CCDC62: variants seen among roughly 807,000 people sequenced by gnomAD.
CCDC62 encodes coiled-coil domain containing 62, also known as coiled-coil domain-containing protein 62.
In CCDC62, 72 loss-of-function variants were observed where a neutral mutation model predicts 80.8. The observed-to-expected ratio is 0.89, with a 90% CI of 0.74 to 1.08. The LOEUF is 1.08. Among genes scored for constraint, CCDC62 ranks in the 50% least tolerant of loss-of-function variants. The pLI is 0.00. For missense variants in CCDC62, 704 were observed against 809.4 expected (o/e 0.87, Z 1.58); for synonymous variants, 286 against 296.5 (o/e 0.96, Z 0.36).
intron 2 of CCDC62, 33 bp downstream of exon 2, chr12:122,777,716 A>G: frequency 6.3e-7 from 1 of 1,585,012 alleles, no homozygotes; most frequent in Admixed American, 1.7e-5. Flanking sequence ...ACAGTTATGC[A>G]CTTCTGTGTG....
At chr12:122,792,588 G>A (rs896770895) in intron 6 of CCDC62, among the ~76,000 whole-genome samples, 2 of 151,470 alleles carry the variant, frequency 1.3e-5, no homozygotes, top group African/African-American at 2.4e-5. Context: ...GCATGATCTC[G>A]GCTCACTGCA....
Position 122,788,925 on chromosome 12 carries a change from A to T in CCDC62, c.666A>T (p.Leu222=). Reference sequence around the variant, plus strand: ...CACTTAAGATTGAAGTCAACAAACTAAAAGGTAAGGAAGAGACCTACATTT... The same window carrying T: ...CACTTAAGATTGAAGTCAACAAACTTAAAGGTAAGGAAGAGACCTACATTT... ...LKALKIEVNK[L]KEDLNEKTTE... is the part of the protein sequence containing the mutation. The change falls in exon 5 of 13, where the codon CTA becomes CTT. Residue 222 remains leucine, a synonymous_variant. Coordinates refer to ENST00000253079, the MANE Select transcript of CCDC62 (RefSeq NM_201435.5). 6.3e-7 allele frequency: 1 copy of T among 1,590,398 alleles called. No individual in the cohort carries two copies. Among genetic ancestry groups the T allele is most frequent in the Non-Finnish European group, 8.5e-7 (1 of 1,172,662 alleles).
At chr12:122,787,946 G>T (rs1432225973) in intron 4 of CCDC62, among the ~76,000 whole-genome samples, 1 of 152,076 alleles carries the variant, frequency 6.6e-6, no homozygotes, top group Non-Finnish European at 1.5e-5. Flanking sequence ...TTATTAGAAC[G>T]GTTATTTTTT....
intron 3 of CCDC62, among the ~76,000 whole-genome samples, chr12:122,785,276 G>C (rs751931288): frequency 6.6e-6 from 1 of 152,004 alleles, no homozygotes; most frequent in African/African-American, 2.4e-5. Context: ...AAGTTCTTTC[G>C]ACAAAGAATA....
At chr12:122,800,147 G>A (rs1333602903) in intron 8 of CCDC62, among the ~76,000 whole-genome samples, 6 of 146,468 alleles carry the variant, frequency 4.1e-5, no homozygotes, top group Non-Finnish European at 6.0e-5. Context: ...ACAGGCATGC[G>A]CCACCATGCC....
intron 5 of CCDC62, among the ~76,000 whole-genome samples, chr12:122,789,578 A>G (rs1378667051): frequency 6.6e-6 from 1 of 151,922 alleles, no homozygotes; most frequent in Non-Finnish European, 1.5e-5. Flanking sequence ...GATTACAGGC[A>G]CCTACCACCA....
At chr12:122,812,964 G>A (rs1430172159) in intron 10 of CCDC62, among the ~76,000 whole-genome samples, 1 of 152,028 alleles carries the variant, frequency 6.6e-6, no homozygotes, top group African/African-American at 2.4e-5. Context: ...TTGGGAGGCC[G>A]AGGCAGGAGG....
At position 122,798,108 on chromosome 12, in the gene CCDC62, T is replaced by C. The variant is rs369637049; in HGVS notation, c.885T>C (p.Asp295=). The C allele has an allele frequency of 3.5e-5, 53 of 1,526,838 alleles. No individual in the cohort carries two copies. The highest frequency in any genetic ancestry group is 8.4e-5 in the Admixed American group (5 of 59,712). 94.6% of individuals were successfully genotyped at this position (1,526,838 alleles called of 1,614,324 possible). A position where few individuals can be genotyped will look rare whatever the true frequency, so the allele number is the denominator to read the frequency against. ...AGATTTATGTAAAACAACAGAGTGA[T>C]CTGCAGTTTCTTAATTTCAATGTGG... ...LRQIYVKQQS[D]LQFLNFNVEN... Residue 295 remains aspartate (D), a synonymous_variant, in exon 8 of 13, where the codon GAT becomes GAC. Transcript: ENST00000253079.
At chr12:122,808,276 G>A (rs2031710174) in intron 10 of CCDC62, among the ~76,000 whole-genome samples, 1 of 152,052 alleles carries the variant, frequency 6.6e-6, no homozygotes, top group South Asian at 2.1e-4. Context: ...CAGCCTGGGT[G>A]ACAGAGCGAG....
At chr12:122,788,725 T>C in intron 4 of CCDC62, 33 bp from the exon 5 acceptor site, 2 of 1,345,454 alleles carry the variant, frequency 1.5e-6, no homozygotes, top group Non-Finnish European at 2.0e-6. Context: ...AATTTAAGAA[T>C]CTAGGATAAC....
intron 11 of CCDC62, among the ~76,000 whole-genome samples, chr12:122,822,292 G>T (rs2032441245): frequency 6.6e-6 from 1 of 151,806 alleles, no homozygotes; most frequent in Non-Finnish European, 1.5e-5. Context: ...TTTTAGTAGA[G>T]ACAGGGTTTC....
chr12:122,815,664 G>A lies in CCDC62; in HGVS notation c.2001+2245G>A, dbSNP rs191642756. Among the ~76,000 whole-genome samples the A allele has an allele frequency of 4.7e-5, 7 of 150,040 alleles. No individual in the cohort carries two copies. The East Asian group carries it at 1.4e-3, about 30-fold the overall frequency. On this transcript the variant is annotated intron_variant, in intron 11 of 12. Coordinates refer to ENST00000253079, the MANE Select transcript of CCDC62 (RefSeq NM_201435.5). Reference sequence around the variant, plus strand: ...GGCTTTCACCGTGTTAGCCAGGATGGTCTCCATCTCCTGACCTTGTGATCC... The same window carrying A: ...GGCTTTCACCGTGTTAGCCAGGATGATCTCCATCTCCTGACCTTGTGATCC...
chr12:122,780,195 C>T (rs1879751425), intron 2 of CCDC62, among the ~76,000 whole-genome samples: 1 of 151,370 alleles, frequency 6.6e-6, no homozygotes, highest in African/African-American at 2.4e-5. Flanking sequence ...CCCGTAATCC[C>T]AGCTACTTGG....
At chr12:122,806,591 G>A (rs968652852) in intron 10 of CCDC62, among the ~76,000 whole-genome samples, 4 of 151,896 alleles carry the variant, frequency 2.6e-5, no homozygotes, top group African/African-American at 9.7e-5. Context: ...TGATCCTCCT[G>A]CCTCAGCCTT....
chr12:122,819,106 G>A (rs1755476350), intron 11 of CCDC62, among the ~76,000 whole-genome samples: 1 of 152,086 alleles, frequency 6.6e-6, no homozygotes, highest in African/African-American at 2.4e-5. Context: ...ATTTTCTGGT[G>A]CATTAACTGA....
At chr12:122,817,364 T>C (rs545253555) in intron 11 of CCDC62, among the ~76,000 whole-genome samples, 1 of 151,730 alleles carries the variant, frequency 6.6e-6, no homozygotes, top group Admixed American at 6.6e-5. Context: ...CTGGCCTATT[T>C]TTTTATTTTT....
intron 6 of CCDC62, among the ~76,000 whole-genome samples, chr12:122,792,719 A>T (rs913077271): frequency 3.3e-5 from 5 of 152,014 alleles, no homozygotes; most frequent in Admixed American, 2.6e-4. Context: ...GGGTTTCACC[A>T]TGTTGGCCAG....
chr12:122,819,805 A>G (rs1324894538), intron 11 of CCDC62, among the ~76,000 whole-genome samples: 1 of 152,106 alleles, frequency 6.6e-6, no homozygotes, highest in African/African-American at 2.4e-5. Flanking sequence ...CTGTAATCCC[A>G]CCACTTTGGG....
intron 8 of CCDC62, among the ~76,000 whole-genome samples, chr12:122,799,867 T>G (rs776484563): frequency 2.6e-5 from 4 of 152,196 alleles, no homozygotes; most frequent in Non-Finnish European, 5.9e-5. Flanking sequence ...TGCTTCACTT[T>G]CCTTTGGGGC....
Sources: allele counts gnomAD v4.1 joint callset (sites outside exome capture counted in the v4.1 genomes callset), GRCh38; gene constraint gnomAD v4.1.1; transcripts MANE v1.5; gene names NCBI Gene and HGNC (gene_info 2026-07-23, HGNC 2026-07-21).